BRD1: variants seen among roughly 807,000 people sequenced by gnomAD.
BRD1 encodes the protein bromodomain containing 1, also known as bromodomain-containing protein 1.
A neutral mutation model predicts 107.7 loss-of-function variants in BRD1; 24 were observed. That is an observed-to-expected ratio of 0.22 (90% CI 0.16 to 0.31). The LOEUF (loss-of-function observed/expected upper bound fraction) is 0.31, where lower values mean the gene tolerates loss of function less well. BRD1 is among the 10% of genes least tolerant of loss of function. The pLI, the probability that BRD1 is intolerant of heterozygous loss-of-function variation, is 1.00. For missense variants in BRD1, 1,279 were observed against 1,638.6 expected, an observed-to-expected ratio of 0.78 and a Z score of 3.79; for synonymous variants, 744 against 686.1, an observed-to-expected ratio of 1.08 and a Z score of -1.32.
At position 49,827,618 on chromosome 22, in the gene BRD1, C is replaced by A. The variant is rs937964614; in HGVS notation, c.-136G>T. The A allele has an allele frequency of 6.9e-6, 1 of 145,328 alleles. No homozygotes were observed. The highest frequency in any genetic ancestry group is 2.5e-5 in the African/African-American group (1 of 40,560). 9.0% of individuals were successfully genotyped at this position (145,328 alleles called of 1,614,324 possible). On this transcript the variant is annotated 5_prime_UTR_variant, in exon 1 of 13. Transcript: ENST00000404760. ...AACGGCCGCGCAGGCCGGGCCCCGCCGCCGCTCCTGGGCGCGGGCCCCTCT... is the reference window on the plus strand; with the variant it reads ...AACGGCCGCGCAGGCCGGGCCCCGCAGCCGCTCCTGGGCGCGGGCCCCTCT...
intron 2 of BRD1, among the ~76,000 whole-genome samples, chr22:49,809,541 C>CAAAA (rs138862): frequency 1.1e-4 from 16 of 146,196 alleles, no homozygotes; most frequent in Admixed American, 1.3e-4. Context: ...ACTTCGTCTC[C>CAAAA]AAAAAAAATA....
chr22:49,804,073 G>T lies in BRD1; in HGVS notation c.1524+131C>A, dbSNP rs564071536. The T allele has an allele frequency of 2.6e-4, 188 of 726,608 alleles. 3 individuals are homozygous for T. The South Asian group carries it at 4.4e-3, about 17-fold the overall frequency. The allele number at this position is 726,608 out of a possible 1,614,324, so 45.0% of individuals were successfully genotyped here. ...TCCTCCTACAGCTCCAGGGCTGGAC[G>T]AGACGGAGGCTTCCCAACGGGGAGC... On this transcript the variant is annotated intron_variant, in intron 3 of 12. Transcript: ENST00000404760.
Position 49,824,746 on chromosome 22 carries a change from G to A in BRD1, c.-14-415C>T, listed in dbSNP as rs1569144896. On this transcript the variant is annotated intron_variant, in intron 1 of 12. Coordinates refer to ENST00000404760, the MANE Select transcript of BRD1 (RefSeq NM_001304808.3). The surrounding 1 kb of genome is among the most constrained non-coding windows in gnomAD (Gnocchi z 5.9). Reference sequence around the variant, plus strand: ...CCACATACAGGGCTGGACCCCACCAGGCACAGAGGCTATGCCCACCAGACA... The same window carrying A: ...CCACATACAGGGCTGGACCCCACCAAGCACAGAGGCTATGCCCACCAGACA... The A allele has an allele frequency of 2.9e-6, 3 of 1,041,294 alleles. No individual in the cohort carries two copies. 64.5% of individuals were successfully genotyped at this position (1,041,294 alleles called of 1,614,324 possible). A position where few individuals can be genotyped will look rare whatever the true frequency, so the allele number is the denominator to read the frequency against.
intron 7 of BRD1, among the ~76,000 whole-genome samples, chr22:49,793,120 T>C (rs1300286525): frequency 6.6e-6 from 1 of 152,234 alleles, no homozygotes; most frequent in Non-Finnish European, 1.5e-5. Flanking sequence ...CTGACCCTAC[T>C]GTCTGCTTCG....
In BRD1 at chr22:49,773,780, T is replaced by C. The variant is rs950096481; in HGVS notation, c.*453A>G. ...CGGAGTGTTTTTGGTGATCTGCAAG[T>C]GATGTACACAGCATAACTTTATTCT... On this transcript the variant is annotated 3_prime_UTR_variant, in exon 13 of 13. Transcript: ENST00000404760. 6.5e-6 allele frequency: 1 copy of C among 153,136 alleles called. No homozygotes were observed. Among genetic ancestry groups the C allele is most frequent in the African/African-American group, 2.4e-5 (1 of 41,490 alleles). The allele number at this position is 153,136 out of a possible 1,614,324, so 9.5% of individuals were successfully genotyped here. A position where few individuals can be genotyped will look rare whatever the true frequency, so the allele number is the denominator to read the frequency against.
chr22:49,823,490 G>A lies in BRD1; in HGVS notation c.828C>T (p.Asn276=). Residue 276 remains asparagine, a synonymous_variant, in exon 2 of 13, where the codon AAC becomes AAT. Transcript: ENST00000404760. ...CTGTCTTTTTGAAGGCACCACCCTT[G>A]TTGGGGCACAGCACACAGTCGGCGG... ...ARPADCVLCP[N]KGGAFKKTDD... 2 of 1,607,690 alleles carry A rather than the reference G, an allele frequency of 1.2e-6. No individual in the cohort carries two copies. Among genetic ancestry groups the A allele is most frequent in the South Asian group, 2.2e-5 (2 of 91,064 alleles).
At chr22:49,790,590 G>A (rs1007126106) in intron 7 of BRD1, among the ~76,000 whole-genome samples, 3 of 152,170 alleles carry the variant, frequency 2.0e-5, no homozygotes, top group South Asian at 2.1e-4. Flanking sequence ...GAACAATTCC[G>A]CAATATTTTG....
At chr22:49,779,740 C>T (rs1280758648) in intron 8 of BRD1, among the ~76,000 whole-genome samples, 1 of 152,074 alleles carries the variant, frequency 6.6e-6, no homozygotes, top group Non-Finnish European at 1.5e-5. Context: ...TTAAAAGTCC[C>T]GTCCTGGCCC....
intron 7 of BRD1, among the ~76,000 whole-genome samples, chr22:49,790,085 C>G (rs2147071598): frequency 6.6e-6 from 1 of 152,330 alleles, no homozygotes; most frequent in East Asian, 1.9e-4. Flanking sequence ...GCAGCACTGA[C>G]CAGAGGCACA....
intron 5 of BRD1, 132 bp from the exon 6 acceptor site, chr22:49,798,249 A>G: frequency 9.8e-7 from 1 of 1,018,710 alleles, no homozygotes; most frequent in South Asian, 1.6e-5. Context: ...GACGGTACAG[A>G]CATAAGACCC....
At chr22:49,809,554 T>A (rs574771535) in intron 2 of BRD1, among the ~76,000 whole-genome samples, 10,242 of 149,910 alleles carry the variant, frequency 0.068, 901 homozygotes, top group African/African-American at 0.2. Flanking sequence ...AAAAAATATA[T>A]ATATATATAT....
At chr22:49,784,796 A>G (rs775053851) in intron 8 of BRD1, among the ~76,000 whole-genome samples, 7 of 152,188 alleles carry the variant, frequency 4.6e-5, no homozygotes, top group Non-Finnish European at 8.8e-5. Flanking sequence ...CGGGACTGGC[A>G]CCATTCAGAG....
intron 10 of BRD1, 28 bp from the exon 11 acceptor site, chr22:49,776,187 A>AGGCGTCAGCAGGACACG: frequency 6.3e-7 from 1 of 1,583,014 alleles, no homozygotes; most frequent in African/African-American, 1.3e-5. Context: ...AGCAGGACAC[A>AGGCGTCAGCAGGACACG]GGCGTCAGCA....
At chr22:49,782,215 T>C (rs1184948850) in intron 8 of BRD1, among the ~76,000 whole-genome samples, 4 of 149,748 alleles carry the variant, frequency 2.7e-5, no homozygotes, top group African/African-American at 9.9e-5. Context: ...AAGGCCCATG[T>C]TGCTGGGACC....
Position 49,775,743 on chromosome 22 carries a change from G to C in BRD1, c.3234C>G (p.Ile1078Met). ...GCACACGGGGCATCTTGGGGTCGAT[G>C]ATCTGCACGAGAAGGACCCGCTGAG... Reference protein sequence around the residue: ...CSGYPSYPALIIDPKMPRVPG... With the variant: ...CSGYPSYPALMIDPKMPRVPG... The change falls in exon 12 of 13, where the codon ATC becomes ATG. Residue 1078 changes from isoleucine (I) to methionine (M), a missense_variant and splice_region_variant. Ile to Met is a conservative substitution (Grantham distance 10). Around this residue, in one of 7 missense-constraint regions of BRD1, gnomAD observed 136 missense variants for 196.8 expected, o/e 0.69. Transcript: ENST00000404760. 1 of 1,600,504 alleles carries C rather than the reference G, an allele frequency of 6.2e-7. No homozygotes were observed. The highest frequency in any genetic ancestry group is 8.5e-7 in the Non-Finnish European group (1 of 1,175,208).
In BRD1 at chr22:49,773,697, G is replaced by A. The variant is rs1243185614; in HGVS notation, c.*536C>T. On this transcript the variant is annotated 3_prime_UTR_variant, in exon 13 of 13. Coordinates refer to ENST00000404760, the MANE Select transcript of BRD1 (RefSeq NM_001304808.3). ...AATCCGCTGGGAGGCACACCTGCGGGGTTTGAGGTGGGCGGGACGACGGGA... is the reference window on the plus strand; with the variant it reads ...AATCCGCTGGGAGGCACACCTGCGGAGTTTGAGGTGGGCGGGACGACGGGA... 1 of 152,650 alleles carries A rather than the reference G, an allele frequency of 6.6e-6. No individual in the cohort carries two copies. The allele number at this position is 152,650 out of a possible 1,614,324, so 9.5% of individuals were successfully genotyped here. A position where few individuals can be genotyped will look rare whatever the true frequency, so the allele number is the denominator to read the frequency against.
rs1374867609 is a variant in BRD1 at position 49,803,544 on chromosome 22, G to A, written c.1524+660C>T. Among the ~76,000 whole-genome samples the A allele has an allele frequency of 6.6e-6, 1 of 152,166 alleles. No individual in the cohort carries two copies. Among genetic ancestry groups the A allele is most frequent in the Non-Finnish European group, 1.5e-5 (1 of 68,038 alleles). ...CATCTCACAGAAGCTACTTCACTCT[G>A]TAAACCCATTTTTTCAGAACTGTTT... On this transcript the variant is annotated intron_variant, in intron 3 of 12. Coordinates refer to ENST00000404760, the MANE Select transcript of BRD1 (RefSeq NM_001304808.3). The surrounding 1 kb of genome is among the most constrained non-coding windows in gnomAD (Gnocchi z 4.4).
chr22:49,778,113 CAAAG>C (rs2059135584), intron 8 of BRD1, among the ~76,000 whole-genome samples: 1 of 152,162 alleles, frequency 6.6e-6, no homozygotes, highest in African/African-American at 2.4e-5. Context: ...TCTGTGAAGG[CAAAG>C]AAAGGATGCC....
chr22:49,789,397 C>G (rs1452571195), intron 7 of BRD1, among the ~76,000 whole-genome samples: 1 of 152,208 alleles, frequency 6.6e-6, no homozygotes, highest in African/African-American at 2.4e-5. Context: ...GGGGATTCAG[C>G]ACTGAGCCTG....
Sources: allele counts gnomAD v4.1 joint callset (sites outside exome capture counted in the v4.1 genomes callset), GRCh38; gene constraint gnomAD v4.1.1; regional missense constraint gnomAD v4.1.1; non-coding constraint Gnocchi (gnomAD v3.1); transcripts MANE v1.5; gene names NCBI Gene and HGNC (gene_info 2026-07-23, HGNC 2026-07-21).